Variants in SYCP1 observed in about 807,000 individuals in gnomAD.
The protein encoded by SYCP1 is synaptonemal complex protein 1.
A neutral mutation model predicts 153.1 loss-of-function variants in SYCP1; 64 were observed. The ratio of observed to expected loss-of-function variants is 0.42; its 90% CI spans 0.34 to 0.51. The LOEUF is 0.51. SYCP1 is among the 20% of genes least tolerant of loss of function. The pLI is 0.06. For missense variants in SYCP1, 997 were observed against 1,049.0 expected, an observed-to-expected ratio of 0.95 and a Z score of 0.68; for synonymous variants, 384 against 341.8, an observed-to-expected ratio of 1.12 and a Z score of -1.36.
chr1:114,972,459 G>T (rs1450864669), intron 27 of SYCP1, among the ~76,000 whole-genome samples: 1 of 151,922 alleles, frequency 6.6e-6, no homozygotes, highest in Non-Finnish European at 1.5e-5. Flanking sequence ...CTTTGGGTTT[G>T]GTTTGCTCAT....
At chr1:114,854,419 T>C (rs1323248634), upstream of SYCP1, among the ~76,000 whole-genome samples, 1 of 152,192 alleles carries the variant, frequency 6.6e-6, no homozygotes, top group Non-Finnish European at 1.5e-5. Context: ...ATTACAGGCG[T>C]GAGCCACCGG....
At chr1:114,873,522 G>C (rs1414615077) in intron 8 of SYCP1, among the ~76,000 whole-genome samples, 2 of 152,146 alleles carry the variant, frequency 1.3e-5, no homozygotes, top group Non-Finnish European at 2.9e-5. Flanking sequence ...TCTGGAATTG[G>C]GTATTTCCCT....
chr1:114,886,898 ACT>A lies in SYCP1; in HGVS notation c.1190+592_1190+593del, dbSNP rs541224564. On this transcript the variant is annotated intron_variant, in intron 14 of 31. Transcript: ENST00000369522. ...TTTTTCTAATGCTTGAGTGTTAAAG[ACT>A]CTATTTTTTACTACTCTATATTAAG... Among the ~76,000 whole-genome samples the A allele has an allele frequency of 1.7e-3, 253 of 151,906 alleles. 2 individuals carry two copies. In the Middle Eastern group the frequency reaches 0.037, roughly 22 times the overall value.
chr1:114,960,043 GT>G (rs1399475442), intron 27 of SYCP1, among the ~76,000 whole-genome samples: 1 of 152,016 alleles, frequency 6.6e-6, no homozygotes, highest in Non-Finnish European at 1.5e-5. Flanking sequence ...CAGTGTTACA[GT>G]AAACATGGGA....
chr1:114,948,130 C>G (rs959916761), intron 27 of SYCP1, among the ~76,000 whole-genome samples: 5 of 151,568 alleles, frequency 3.3e-5, no homozygotes, highest in African/African-American at 4.8e-5. Flanking sequence ...TTTAGATATG[C>G]TTTTTTTGAA....
intron 16 of SYCP1, among the ~76,000 whole-genome samples, chr1:114,903,856 A>C (rs1341700383): frequency 6.6e-6 from 1 of 152,170 alleles, no homozygotes; most frequent in Non-Finnish European, 1.5e-5. Flanking sequence ...TCCTTTCTCC[A>C]TTGAATTGCT....
intron 9 of SYCP1, 59 bp downstream of exon 9, chr1:114,874,623 G>T (rs892813332): frequency 6.7e-6 from 7 of 1,039,484 alleles, no homozygotes; most frequent in African/African-American, 1.6e-5. Flanking sequence ...AAATTAGAGC[G>T]ATTGCTACAA....
At chr1:114,972,243 T>C (rs1211043005) in intron 27 of SYCP1, among the ~76,000 whole-genome samples, 1 of 152,152 alleles carries the variant, frequency 6.6e-6, no homozygotes, top group Non-Finnish European at 1.5e-5. Flanking sequence ...TTTGAATTTC[T>C]GTGGTATTGA....
intron 30 of SYCP1, among the ~76,000 whole-genome samples, chr1:114,988,984 C>A (rs1009054601): frequency 1.3e-5 from 2 of 151,700 alleles, no homozygotes; most frequent in Non-Finnish European, 2.9e-5. Context: ...CTGGGTAACA[C>A]AATGAGATCC....
chr1:114,904,843 T>G (rs2101643169), intron 16 of SYCP1, among the ~76,000 whole-genome samples: 1 of 152,364 alleles, frequency 6.6e-6, no homozygotes, highest in Middle Eastern at 3.4e-3. Context: ...CTTGCAGGTT[T>G]TTTGTAGAAA....
chr1:114,963,876 T>TG (rs1318970074), intron 27 of SYCP1, among the ~76,000 whole-genome samples: 5 of 152,202 alleles, frequency 3.3e-5, no homozygotes, highest in African/African-American at 1.2e-4. Flanking sequence ...TATAATCCTT[T>TG]GGGTATATAC....
chr1:114,990,280 A>G, intron 30 of SYCP1, among the ~76,000 whole-genome samples: 1 of 151,992 alleles, frequency 6.6e-6, no homozygotes, highest in East Asian at 1.9e-4. Context: ...GAAATTAGAA[A>G]ATACTTAGAG....
chr1:114,908,874 T>TA (rs1667999298), intron 16 of SYCP1, among the ~76,000 whole-genome samples: 1 of 152,218 alleles, frequency 6.6e-6, no homozygotes, highest in Admixed American at 6.5e-5. Context: ...GTTGACATTT[T>TA]ACCAGTTCTT....
At chr1:114,965,711 G>C (rs1338304590) in intron 27 of SYCP1, among the ~76,000 whole-genome samples, 1 of 151,750 alleles carries the variant, frequency 6.6e-6, no homozygotes, top group Non-Finnish European at 1.5e-5. Flanking sequence ...TGATCGCGGT[G>C]GATAAGCTTT....
intron 27 of SYCP1, among the ~76,000 whole-genome samples, chr1:114,973,642 T>C (rs1047837677): frequency 6.6e-6 from 1 of 151,996 alleles, no homozygotes; most frequent in African/African-American, 2.4e-5. Flanking sequence ...TGAGATTGTA[T>C]GTTTTTGTTG....
intron 23 of SYCP1, among the ~76,000 whole-genome samples, chr1:114,939,591 C>T (rs766971755): frequency 1.2e-4 from 18 of 151,962 alleles, no homozygotes; most frequent in Non-Finnish European, 2.2e-4. Context: ...TCAACAAAAC[C>T]AATTTATGGA....
At chr1:114,974,694 T>C (rs551936129) in intron 27 of SYCP1, among the ~76,000 whole-genome samples, 2 of 152,012 alleles carry the variant, frequency 1.3e-5, no homozygotes, top group East Asian at 1.9e-4. Context: ...CATAATATTC[T>C]ATTATATGTG....
rs763945189 is a variant in SYCP1 at position 114,944,931 on chromosome 1, G to A, written c.2103G>A (p.Lys701=). 18 of 1,604,648 alleles carry A rather than the reference G, an allele frequency of 1.1e-5. No individual in the cohort carries two copies. The African/African-American group carries it at 1.5e-4, about 13-fold the overall frequency. ...TAAAATTACAGAAAGAAATTGATAA[G>A]CGATGTCAACATAAAATAGCTGAAA... ...EAVKLQKEID[K]RCQHKIAEMV... Residue 701 remains lysine, a synonymous_variant, in exon 25 of 32, where the codon AAG becomes AAA. Coordinates refer to ENST00000369522, the MANE Select transcript of SYCP1 (RefSeq NM_003176.4).
intron 8 of SYCP1, among the ~76,000 whole-genome samples, chr1:114,870,647 T>C (rs1665051247): frequency 6.6e-6 from 1 of 152,214 alleles, no homozygotes; most frequent in African/African-American, 2.4e-5. Flanking sequence ...TTCTCTTTTG[T>C]AGAGTAGAAG....
Sources: gnomAD v4.1 joint callset for allele counts (sites outside exome capture counted in the v4.1 genomes callset) on GRCh38, gnomAD v4.1.1 for gene constraint, MANE v1.5 for transcripts, NCBI Gene and HGNC (gene_info 2026-07-23, HGNC 2026-07-21) for gene names.